Variants in PHACTR3 observed in about 807,000 individuals in gnomAD.
PHACTR3 encodes the protein phosphatase and actin regulator 3.
A neutral mutation model predicts 66.8 loss-of-function variants in PHACTR3; 16 were observed. That is an observed-to-expected ratio of 0.24 (90% CI 0.16 to 0.36). The LOEUF is 0.36. PHACTR3 is among the 10% of genes least tolerant of loss of function. The pLI is 1.00. For missense variants in PHACTR3, 647 were observed against 719.9 expected (o/e 0.90, Z 1.16); for synonymous variants, 323 against 292.1 (o/e 1.11, Z -1.08).
intron 8 of PHACTR3, among the ~76,000 whole-genome samples, chr20:59,823,562 A>G (rs2042108153): frequency 6.6e-6 from 1 of 152,348 alleles, no homozygotes; most frequent in South Asian, 2.1e-4. Flanking sequence ...CATTTCTTTG[A>G]GGAAGGATCT....
intron 1 of PHACTR3, among the ~76,000 whole-genome samples, chr20:59,589,406 C>A (rs1312477623): frequency 6.6e-6 from 1 of 152,184 alleles, no homozygotes; most frequent in African/African-American, 2.4e-5. Flanking sequence ...ACGGCCGTTA[C>A]TATTTATAGG....
intron 1 of PHACTR3, among the ~76,000 whole-genome samples, chr20:59,613,520 G>A (rs994236209): frequency 1.3e-5 from 2 of 152,206 alleles, no homozygotes; most frequent in Non-Finnish European, 2.9e-5. Flanking sequence ...AGGGAGCCTG[G>A]GAAGTGTAGC....
chr20:59,624,953 T>A (rs1353846576), intron 1 of PHACTR3, among the ~76,000 whole-genome samples: 1 of 152,148 alleles, frequency 6.6e-6, no homozygotes, highest in African/African-American at 2.4e-5. Context: ...ATGCCCTTTT[T>A]CCATCCCAGG....
intron 1 of PHACTR3, among the ~76,000 whole-genome samples, chr20:59,610,888 C>G (rs1268652168): frequency 6.6e-6 from 1 of 152,228 alleles, no homozygotes; most frequent in African/African-American, 2.4e-5. Context: ...CTCAGCCTCC[C>G]TAGTCTCATC....
chr20:59,605,158 G>GGTA, intron 1 of PHACTR3, 26 bp downstream of exon 1: 1 of 1,275,872 alleles, frequency 7.8e-7, no homozygotes, highest in Non-Finnish European at 1.0e-6. Flanking sequence ...GGGGCGGCGG[G>GGTA]CGGGTCGGGG....
intron 1 of PHACTR3, among the ~76,000 whole-genome samples, chr20:59,637,001 T>C (rs1401923109): frequency 6.6e-6 from 1 of 152,206 alleles, no homozygotes; most frequent in Admixed American, 6.5e-5. Flanking sequence ...CAGACTCTGA[T>C]CCAAGGTGAC....
intron 1 of PHACTR3, among the ~76,000 whole-genome samples, chr20:59,676,107 G>A (rs1454534272): frequency 6.6e-6 from 1 of 152,224 alleles, no homozygotes; most frequent in Non-Finnish European, 1.5e-5. Flanking sequence ...TCAGGACTCT[G>A]CATGGCCAAG....
chr20:59,712,219 G>A (rs2037935859), intron 1 of PHACTR3, among the ~76,000 whole-genome samples: 2 of 151,890 alleles, frequency 1.3e-5, no homozygotes, highest in Admixed American at 1.3e-4. Flanking sequence ...TCTTAGTGGG[G>A]GTATGAAAGA....
intron 8 of PHACTR3, among the ~76,000 whole-genome samples, chr20:59,826,305 T>C (rs2042189571): frequency 6.6e-6 from 1 of 152,158 alleles, no homozygotes; most frequent in Admixed American, 6.5e-5. Context: ...CTCTGGGTCC[T>C]GGTGGCTGAG....
chr20:59,785,894 A>T (rs1167676584), intron 7 of PHACTR3, among the ~76,000 whole-genome samples: 16 of 11,792 alleles, frequency 1.4e-3, no homozygotes, highest in Middle Eastern at 0.062. Flanking sequence ...TTGTTTTCCA[A>T]CGGCCCTCTG....
rs777840033 is a variant in PHACTR3 at position 59,755,177 on chromosome 20, T to A, written c.359-5T>A. On this transcript the variant is annotated splice_region_variant and splice_polypyrimidine_tract_variant and intron_variant, in intron 3 of 12. Coordinates refer to ENST00000371015, the MANE Select transcript of PHACTR3 (RefSeq NM_080672.5). ...GGCCCAGCTGACAGCTACATTTCCT[T>A]GTAGATGCTGAAAGCAAAACTTGCA... 6.2e-7 allele frequency: 1 copy of A among 1,611,086 alleles called. No individual in the cohort carries two copies. Among genetic ancestry groups the A allele is most frequent in the Admixed American group, 1.7e-5 (1 of 59,968 alleles).
intron 1 of PHACTR3, among the ~76,000 whole-genome samples, chr20:59,635,135 C>CTTTCTTTCTTTA (rs2034814201): frequency 1.5e-5 from 1 of 68,176 alleles, no homozygotes; most frequent in East Asian, 6.8e-4. Context: ...TTCTTTCTTT[C>CTTTCTTTCTTTA]TTTCTTTCTT....
intron 1 of PHACTR3, among the ~76,000 whole-genome samples, chr20:59,618,175 G>C (rs1231835777): frequency 6.6e-6 from 1 of 152,248 alleles, no homozygotes; most frequent in African/African-American, 2.4e-5. Flanking sequence ...GGTGGGGGCA[G>C]CTTCGGCTGG....
chr20:59,581,011 G>C (rs984758090), intron 1 of PHACTR3, among the ~76,000 whole-genome samples: 1 of 152,238 alleles, frequency 6.6e-6, no homozygotes, highest in African/African-American at 2.4e-5. Context: ...GGGGAGGACT[G>C]GACGGCTGAG....
chr20:59,601,866 T>G (rs571357890), upstream of PHACTR3, among the ~76,000 whole-genome samples: 4 of 152,212 alleles, frequency 2.6e-5, no homozygotes, highest in Non-Finnish European at 4.4e-5. Context: ...TCTCATCTTC[T>G]GCTTCCCCAC....
At chr20:59,650,250 T>C (rs2035418026) in intron 1 of PHACTR3, among the ~76,000 whole-genome samples, 1 of 152,142 alleles carries the variant, frequency 6.6e-6, no homozygotes, top group African/African-American at 2.4e-5. Flanking sequence ...ATTAATAAGG[T>C]ATGTGTGTAT....
intron 1 of PHACTR3, among the ~76,000 whole-genome samples, chr20:59,681,468 C>T (rs1044349696): frequency 6.6e-6 from 1 of 152,192 alleles, no homozygotes; most frequent in African/African-American, 2.4e-5. Flanking sequence ...CACAGGGGTC[C>T]ATCCCAGGTT....
chr20:59,583,274 C>T (rs753732842), intron 1 of PHACTR3, among the ~76,000 whole-genome samples: 5 of 152,130 alleles, frequency 3.3e-5, no homozygotes, highest in Admixed American at 6.6e-5. Flanking sequence ...GGATTCCTAG[C>T]CCTGAGGGAG....
chr20:59,787,551 G>C (rs537345009), intron 7 of PHACTR3, among the ~76,000 whole-genome samples: 2 of 152,186 alleles, frequency 1.3e-5, no homozygotes, highest in African/African-American at 4.8e-5. Flanking sequence ...AAGAGATATA[G>C]GGACATCTTT....
Sources: gnomAD v4.1 joint callset for allele counts (sites outside exome capture counted in the v4.1 genomes callset) on GRCh38, gnomAD v4.1.1 for gene constraint, MANE v1.5 for transcripts, NCBI Gene and HGNC (gene_info 2026-07-23, HGNC 2026-07-21) for gene names.